MIPEP: variants seen among roughly 807,000 people sequenced by gnomAD.
The protein encoded by MIPEP is mitochondrial intermediate peptidase.
Under a neutral mutation model 90.3 loss-of-function variants are expected in MIPEP, and 79 were observed. The observed-to-expected ratio is 0.87, with a 90% CI of 0.73 to 1.05. The LOEUF (loss-of-function observed/expected upper bound fraction) is 1.05. Among genes scored for constraint, MIPEP ranks in the 50% least tolerant of loss-of-function variants. The probability of loss-of-function intolerance (pLI) is 0.00; values close to 1 mark genes in which losing one functional copy is unlikely to be tolerated. For missense variants in MIPEP, 940 were observed against 905.6 expected (o/e 1.04, Z -0.49); for synonymous variants, 334 against 315.8 (o/e 1.06, Z -0.61).
At chr13:23,761,806 T>G (rs1204323335) in intron 16 of MIPEP, among the ~76,000 whole-genome samples, 3 of 152,236 alleles carry the variant, frequency 2.0e-5, no homozygotes, top group Non-Finnish European at 4.4e-5. Flanking sequence ...TCTGTCTTTA[T>G]CTGACATAAA....
chr13:23,772,625 T>C (rs1952665442), intron 16 of MIPEP, among the ~76,000 whole-genome samples: 1 of 152,192 alleles, frequency 6.6e-6, no homozygotes, highest in Non-Finnish European at 1.5e-5. Context: ...TGAGGTGTAA[T>C]GTTAAAAGGA....
At chr13:23,848,800 G>C (rs552770348) in intron 10 of MIPEP, among the ~76,000 whole-genome samples, 1 of 152,158 alleles carries the variant, frequency 6.6e-6, no homozygotes, top group South Asian at 2.1e-4. Flanking sequence ...GCCATCCAGA[G>C]CGAGACTACA....
At chr13:23,822,888 GCTT>G (rs956415369) in intron 14 of MIPEP, among the ~76,000 whole-genome samples, 2 of 151,274 alleles carry the variant, frequency 1.3e-5, no homozygotes, top group Admixed American at 6.6e-5. Flanking sequence ...GCATCTGGGC[GCTT>G]CTTTTTTTTT....
At chr13:23,792,485 T>C (rs1952907397) in intron 16 of MIPEP, among the ~76,000 whole-genome samples, 1 of 152,180 alleles carries the variant, frequency 6.6e-6, no homozygotes, top group Non-Finnish European at 1.5e-5. Flanking sequence ...ACTCAAGTGA[T>C]CCTCCCACCT....
chr13:23,841,892 C>T (rs1289789251), intron 10 of MIPEP, among the ~76,000 whole-genome samples: 2 of 151,976 alleles, frequency 1.3e-5, no homozygotes, highest in Non-Finnish European at 2.9e-5. Flanking sequence ...GACCTATATA[C>T]ATAAATATTA....
At position 23,781,968 on chromosome 13, in the gene MIPEP, A is replaced by G. The variant is rs534849387; in HGVS notation, c.1849-21751T>C. On this transcript the variant is annotated intron_variant, in intron 16 of 18. Coordinates refer to ENST00000382172, the MANE Select transcript of MIPEP (RefSeq NM_005932.4). ...AGATTCATAAAGCAAGTCCTTAGAGATCTACAAAGAGACTTAGACTCCCAC... is the reference window on the plus strand; with the variant it reads ...AGATTCATAAAGCAAGTCCTTAGAGGTCTACAAAGAGACTTAGACTCCCAC... 2.9e-3 allele frequency among the ~76,000 whole-genome samples: 446 copies of G among 152,242 alleles called. 4 individuals carry two copies. Among genetic ancestry groups the G allele is most frequent in the Non-Finnish European group, 4.0e-3 (272 of 68,004 alleles).
chr13:23,753,664 A>G (rs1593133846), intron 18 of MIPEP, among the ~76,000 whole-genome samples: 1 of 152,218 alleles, frequency 6.6e-6, no homozygotes, highest in East Asian at 1.9e-4. Flanking sequence ...AAAGTAGAGG[A>G]ATCCTGTGTG....
chr13:23,881,945 C>T (rs955896092), intron 2 of MIPEP, among the ~76,000 whole-genome samples, 158 bp from the exon 3 acceptor site: 1 of 152,198 alleles, frequency 6.6e-6, no homozygotes, highest in African/African-American at 2.4e-5. Context: ...AGCAAAGCAG[C>T]TTCTTTCTGA....
chr13:23,784,223 C>T (rs1394882606), intron 16 of MIPEP, among the ~76,000 whole-genome samples: 3 of 152,274 alleles, frequency 2.0e-5, no homozygotes, highest in Admixed American at 6.5e-5. Flanking sequence ...CATCATGCTA[C>T]CTGACTTCAA....
intron 2 of MIPEP, 150 bp downstream of exon 2, chr13:23,886,183 A>G (rs1325402617): frequency 3.4e-5 from 18 of 528,174 alleles, no homozygotes; most frequent in Admixed American, 1.3e-4. Context: ...GACATATTTC[A>G]TCATAAAAAA....
chr13:23,783,703 C>A (rs1952806772), intron 16 of MIPEP, among the ~76,000 whole-genome samples: 1 of 152,188 alleles, frequency 6.6e-6, no homozygotes, highest in South Asian at 2.1e-4. Flanking sequence ...TAGAAAACCC[C>A]ATTGTCTTAG....
intron 16 of MIPEP, among the ~76,000 whole-genome samples, chr13:23,761,363 G>T (rs1952540607): frequency 6.6e-6 from 1 of 152,154 alleles, no homozygotes; most frequent in African/African-American, 2.4e-5. Flanking sequence ...ACGGTGGCAG[G>T]AGTGCCAATG....
chr13:23,831,380 T>TGGC (rs1555237497), intron 14 of MIPEP, among the ~76,000 whole-genome samples: 9 of 15,670 alleles, frequency 5.7e-4, no homozygotes, highest in Admixed American at 1.1e-3. Context: ...AGCTTCCCCA[T>TGGC]GGCGGGGGGG....
intron 14 of MIPEP, among the ~76,000 whole-genome samples, chr13:23,834,750 G>C (rs1868949252): frequency 1.3e-5 from 2 of 152,136 alleles, no homozygotes; most frequent in South Asian, 4.1e-4. Flanking sequence ...GGCCCTGCCT[G>C]TGCACAGGGC....
In MIPEP at chr13:23,836,320, C is replaced by A. The variant is rs1488662157; in HGVS notation, c.1573G>T (p.Val525Phe). 8 of 1,594,802 alleles carry A rather than the reference C, an allele frequency of 5.0e-6. No individual in the cohort carries two copies. The East Asian group carries it at 1.8e-4, about 36-fold the overall frequency. ...AAGTACTCCATCAGAATAGAAGGAACCTCAGCAAAATCAGTAGGGCACCTG... is the reference window on the plus strand; with the variant it reads ...AAGTACTCCATCAGAATAGAAGGAAACTCAGCAAAATCAGTAGGGCACCTG... ...GTRCPTDFAEVPSILMEYFAN... is the reference protein window; with the variant it reads ...GTRCPTDFAEFPSILMEYFAN... Residue 525 changes from valine to phenylalanine, a missense_variant, in exon 14 of 19, where the codon GTT becomes TTT. Coordinates refer to ENST00000382172, the MANE Select transcript of MIPEP (RefSeq NM_005932.4).
intron 2 of MIPEP, among the ~76,000 whole-genome samples, chr13:23,884,741 G>GT (rs1871404037): frequency 6.6e-6 from 1 of 152,220 alleles, no homozygotes; most frequent in Non-Finnish European, 1.5e-5. Context: ...ACTCCATGAA[G>GT]TAACAGATTG....
At chr13:23,859,033 T>C (rs1283020876) in intron 9 of MIPEP, 121 bp from the exon 10 acceptor site, 15 of 776,982 alleles carry the variant, frequency 1.9e-5, no homozygotes, top group Non-Finnish European at 3.2e-5. Context: ...AACAATTTTA[T>C]AGAATCCCTT....
At chr13:23,818,012 A>C (rs1055318276) in intron 14 of MIPEP, among the ~76,000 whole-genome samples, 1 of 149,684 alleles carries the variant, frequency 6.7e-6, no homozygotes, top group South Asian at 2.1e-4. Context: ...AGGCACATTA[A>C]AACATGTTTC....
At chr13:23,825,395 T>C (rs374870844) in intron 14 of MIPEP, among the ~76,000 whole-genome samples, 19 of 152,318 alleles carry the variant, frequency 1.2e-4, no homozygotes, top group Admixed American at 4.6e-4. Context: ...TCCTTGAAGA[T>C]AGAACTTAAG....
Sources: gnomAD v4.1 joint callset for allele counts (sites outside exome capture counted in the v4.1 genomes callset) on GRCh38, gnomAD v4.1.1 for gene constraint, MANE v1.5 for transcripts, NCBI Gene and HGNC (gene_info 2026-07-23, HGNC 2026-07-21) for gene names.